ASIC2: variants seen among roughly 807,000 people sequenced by gnomAD.
ASIC2 encodes acid sensing ion channel subunit 2, also known as acid-sensing ion channel 2.
A neutral mutation model predicts 57.3 loss-of-function variants in ASIC2; 25 were observed. The observed-to-expected ratio is 0.44, with a 90% CI of 0.32 to 0.61. ASIC2 has a LOEUF of 0.61. Among genes scored for constraint, ASIC2 ranks in the 20% least tolerant of loss-of-function variants. ASIC2 has a pLI of 0.06. For missense variants in ASIC2, 641 were observed against 738.1 expected (o/e 0.87, Z 1.52); for synonymous variants, 319 against 307.5 (o/e 1.04, Z -0.39).
chr17:33,374,067 C>CAGCACAG (rs1909186641), intron 1 of ASIC2, among the ~76,000 whole-genome samples: 1 of 152,140 alleles, frequency 6.6e-6, no homozygotes, highest in Non-Finnish European at 1.5e-5. Flanking sequence ...ATGATCTTGG[C>CAGCACAG]TCGCTGCAAC....
chr17:33,889,991 G>A (rs1914924410), intron 1 of ASIC2, among the ~76,000 whole-genome samples: 1 of 152,108 alleles, frequency 6.6e-6, no homozygotes, highest in Non-Finnish European at 1.5e-5. Flanking sequence ...TTAGTCCAGG[G>A]TGAGGCCATG....
chr17:33,534,046 T>A (rs557121904), intron 1 of ASIC2: 1 of 152,258 alleles, frequency 6.6e-6, no homozygotes, highest in South Asian at 2.1e-4. Flanking sequence ...GAGGTATTCA[T>A]AATACTTCCC....
At chr17:33,890,525 G>A (rs1002014265) in intron 1 of ASIC2, among the ~76,000 whole-genome samples, 6 of 152,198 alleles carry the variant, frequency 3.9e-5, no homozygotes, top group African/African-American at 9.6e-5. Context: ...CACACAAAGA[G>A]GAGGTGGCAG....
At chr17:33,808,672 A>G (rs1032907086) in intron 1 of ASIC2, among the ~76,000 whole-genome samples, 1 of 151,880 alleles carries the variant, frequency 6.6e-6, no homozygotes, top group African/African-American at 2.4e-5. Context: ...CACATCATTA[A>G]CCTCTCTGAG....
At chr17:33,291,352 C>G in intron 1 of ASIC2, 56 bp downstream of exon 1, 1 of 1,537,648 alleles carries the variant, frequency 6.5e-7, no homozygotes, top group Non-Finnish European at 8.7e-7. Context: ...ACCAGGCCTC[C>G]TGACTGCCGG....
At chr17:34,128,079 A>G (rs1156263104) in intron 1 of ASIC2, among the ~76,000 whole-genome samples, 1 of 152,192 alleles carries the variant, frequency 6.6e-6, no homozygotes, top group African/African-American at 2.4e-5. Context: ...CACCTTGTAC[A>G]ATCTTAATAA....
chr17:33,968,684 G>A (rs1439529384), intron 1 of ASIC2, among the ~76,000 whole-genome samples: 4 of 152,232 alleles, frequency 2.6e-5, no homozygotes, highest in Admixed American at 2.6e-4. Flanking sequence ...GGGTCAGGAA[G>A]CGCCCATCTG....
intron 1 of ASIC2, among the ~76,000 whole-genome samples, chr17:33,170,372 G>GT (rs1412540506): frequency 6.6e-5 from 10 of 152,250 alleles, no homozygotes; most frequent in African/African-American, 2.4e-4. Flanking sequence ...ATCTCCCATT[G>GT]TTGTTTTTAA....
intron 1 of ASIC2, among the ~76,000 whole-genome samples, chr17:33,458,603 G>T (rs145098847): frequency 6.6e-6 from 1 of 152,186 alleles, no homozygotes; most frequent in African/African-American, 2.4e-5. Flanking sequence ...GGGTTGTTGG[G>T]AGCTGCAAAT....
intron 1 of ASIC2, among the ~76,000 whole-genome samples, chr17:33,850,835 C>A (rs1441521991): frequency 2.6e-5 from 4 of 151,864 alleles, no homozygotes; most frequent in Non-Finnish European, 5.9e-5. Context: ...GCATTTGGGG[C>A]TTGCAGTATC....
chr17:33,865,886 A>G (rs1228661633), intron 1 of ASIC2, among the ~76,000 whole-genome samples: 2 of 152,042 alleles, frequency 1.3e-5, no homozygotes, highest in Admixed American at 1.3e-4. Flanking sequence ...TACCACCAAG[A>G]CATACTTTCT....
At chr17:33,748,426 G>C (rs1910329900) in intron 1 of ASIC2, among the ~76,000 whole-genome samples, 1 of 152,196 alleles carries the variant, frequency 6.6e-6, no homozygotes, top group Non-Finnish European at 1.5e-5. Flanking sequence ...CTCTGCAAGA[G>C]GAGACACAGT....
chr17:33,330,562 G>A (rs962190791), intron 1 of ASIC2, among the ~76,000 whole-genome samples: 4 of 152,088 alleles, frequency 2.6e-5, no homozygotes, highest in African/African-American at 9.7e-5. Context: ...CACATTATTG[G>A]ACCAGACCAC....
upstream of ASIC2, among the ~76,000 whole-genome samples, chr17:33,295,913 T>A (rs1038870411): frequency 1.3e-5 from 2 of 152,148 alleles, no homozygotes; most frequent in African/African-American, 4.8e-5. Context: ...CTTGAACTCC[T>A]GGGCTTAAGC....
intron 1 of ASIC2, among the ~76,000 whole-genome samples, chr17:33,972,481 T>C (rs754592416): frequency 1.2e-4 from 18 of 152,210 alleles, no homozygotes; most frequent in Non-Finnish European, 2.2e-4. Context: ...GCTAGTTCTT[T>C]GCGTAGGACT....
chr17:33,854,015 A>G (rs1913847272), intron 1 of ASIC2, among the ~76,000 whole-genome samples: 1 of 152,210 alleles, frequency 6.6e-6, no homozygotes. Flanking sequence ...TAAAAGTCTA[A>G]GATCTATGAT....
chr17:33,835,556 T>C (rs1321752137), intron 1 of ASIC2, among the ~76,000 whole-genome samples: 3 of 152,294 alleles, frequency 2.0e-5, no homozygotes, highest in South Asian at 4.2e-4. Flanking sequence ...CTCACTTCTG[T>C]TGTCATCTCT....
chr17:33,685,155 G>C (rs746062793), intron 1 of ASIC2, among the ~76,000 whole-genome samples: 2 of 152,074 alleles, frequency 1.3e-5, no homozygotes, highest in Non-Finnish European at 2.9e-5. Context: ...GTGTACACAC[G>C]GATGGAGGTC....
chr17:33,542,715 T>C (rs1249342422), intron 1 of ASIC2, among the ~76,000 whole-genome samples: 1 of 123,786 alleles, frequency 8.1e-6, no homozygotes, highest in African/African-American at 3.1e-5. Context: ...ACTCTGATGG[T>C]AGTTTCTTTT....
Sources: gnomAD v4.1 joint callset for allele counts (sites outside exome capture counted in the v4.1 genomes callset) on GRCh38, gnomAD v4.1.1 for gene constraint, MANE v1.5 for transcripts, NCBI Gene and HGNC (gene_info 2026-07-23, HGNC 2026-07-21) for gene names.